The following NFATC1 variants were observed in gnomAD, a reference collection of about 807,000 sequenced individuals.
NFATC1 encodes nuclear factor of activated T cells 1, also known as nuclear factor of activated T-cells, cytoplasmic 1.
A neutral mutation model predicts 76.0 loss-of-function variants in NFATC1; 22 were observed. That is an observed-to-expected ratio of 0.29 (90% CI 0.21 to 0.41). The LOEUF (loss-of-function observed/expected upper bound fraction) is 0.41, where lower values mean the gene tolerates loss of function less well. Among genes scored for constraint, NFATC1 ranks in the 10% least tolerant of loss-of-function variants. The pLI, the probability that NFATC1 is intolerant of heterozygous loss-of-function variation, is 1.00. For synonymous variants in NFATC1, 704 were observed against 613.1 expected, an observed-to-expected ratio of 1.15 and a Z score of -2.19; for missense variants, 1,357 against 1,337.7, an observed-to-expected ratio of 1.01 and a Z score of -0.23.
chr18:79,438,191 G>C (rs1030048974), intron 3 of NFATC1, among the ~76,000 whole-genome samples: 1 of 152,160 alleles, frequency 6.6e-6, no homozygotes, highest in African/African-American at 2.4e-5. Context: ...TCTGTTTCTG[G>C]TTGTGCCTCC....
At chr18:79,415,437 C>G (rs1179843877) in intron 2 of NFATC1, among the ~76,000 whole-genome samples, 1 of 152,048 alleles carries the variant, frequency 6.6e-6, no homozygotes. Flanking sequence ...CGCCCACCAC[C>G]GCGCCCGGCT....
chr18:79,460,233 T>C (rs1380205988), intron 6 of NFATC1, among the ~76,000 whole-genome samples: 1 of 152,244 alleles, frequency 6.6e-6, no homozygotes, highest in Non-Finnish European at 1.5e-5. Flanking sequence ...TTTTGTCTGA[T>C]TTATCAGTAA....
At chr18:79,467,646 G>A (rs775921695) in intron 8 of NFATC1, 64 bp downstream of exon 8, 8 of 1,597,454 alleles carry the variant, frequency 5.0e-6, no homozygotes, top group South Asian at 1.1e-5. Flanking sequence ...TTCTAAAGAC[G>A]CAGAAACGAC....
At chr18:79,513,629 C>T (rs971793392) in intron 9 of NFATC1, among the ~76,000 whole-genome samples, 6 of 152,256 alleles carry the variant, frequency 3.9e-5, no homozygotes, top group African/African-American at 1.4e-4. Flanking sequence ...AAGTACTCTT[C>T]AAGGCGAGTG....
Position 79,431,709 on chromosome 18 carries a change from G to A in NFATC1, c.1227-1870G>A, listed in dbSNP as rs919816366. On this transcript the variant is annotated intron_variant, in intron 2 of 9. Coordinates refer to ENST00000427363, the MANE Select transcript of NFATC1 (RefSeq NM_001278669.2). Reference sequence around the variant, plus strand: ...ACTGGCCTTGTTTTTGTTGTTGTTTGTTGTTTTTTTTTAGATGGAGTCTCG... The same window carrying A: ...ACTGGCCTTGTTTTTGTTGTTGTTTATTGTTTTTTTTTAGATGGAGTCTCG... Among the ~76,000 whole-genome samples the A allele has an allele frequency of 5.9e-5, 9 of 151,684 alleles. No individual in the cohort carries two copies. The South Asian group carries it at 1.9e-3, about 32-fold the overall frequency.
At chr18:79,432,939 T>C (rs796803206) in intron 2 of NFATC1, among the ~76,000 whole-genome samples, 35 of 152,342 alleles carry the variant, frequency 2.3e-4, no homozygotes, top group African/African-American at 8.4e-4. Context: ...CGCCAGGTCA[T>C]GCAGCTCGTG....
At chr18:79,455,393 C>T (rs1600767821) in intron 6 of NFATC1, among the ~76,000 whole-genome samples, 1 of 98,948 alleles carries the variant, frequency 1.0e-5, no homozygotes, top group East Asian at 4.7e-4. Flanking sequence ...GCGTCTCCTT[C>T]TCCAGGTAAT....
chr18:79,432,034 G>A (rs1242659963), intron 2 of NFATC1, among the ~76,000 whole-genome samples: 1 of 152,226 alleles, frequency 6.6e-6, no homozygotes, highest in Non-Finnish European at 1.5e-5. Flanking sequence ...TGGGTTCACA[G>A]TGTGTCCTGA....
chr18:79,422,003 T>G (rs4799055), intron 2 of NFATC1: 66,804 of 152,152 alleles, frequency 0.44, 16,305 homozygotes, highest in South Asian at 0.64. Flanking sequence ...TTTTGAAAGA[T>G]CCCTTTAGGT....
At chr18:79,462,397 C>T (rs1004552325) in intron 7 of NFATC1, among the ~76,000 whole-genome samples, 9 of 152,146 alleles carry the variant, frequency 5.9e-5, no homozygotes, top group Non-Finnish European at 1.0e-4. Flanking sequence ...AGTGCAGTGG[C>T]GTGATCTCGG....
At chr18:79,478,443 G>A (rs2089160530) in intron 8 of NFATC1, among the ~76,000 whole-genome samples, 1 of 152,080 alleles carries the variant, frequency 6.6e-6, no homozygotes, top group Admixed American at 6.5e-5. Flanking sequence ...CCTGGGTGAG[G>A]GGCTCTGCCT....
chr18:79,443,824 G>A lies in NFATC1; in HGVS notation c.1387-4958G>A, dbSNP rs138150703. Reference sequence around the variant, plus strand: ...CAGGCTGCCCAGAGACCCCAGCCCCGAGGTGCTGGTCCGCCCACCCTCTCT... The same window carrying A: ...CAGGCTGCCCAGAGACCCCAGCCCCAAGGTGCTGGTCCGCCCACCCTCTCT... On this transcript the variant is annotated intron_variant, in intron 3 of 9. Transcript: ENST00000427363. Among the ~76,000 whole-genome samples the A allele has an allele frequency of 2.7e-3, 410 of 152,284 alleles. 4 individuals carry two copies. Among genetic ancestry groups the A allele is most frequent in the Admixed American group, 8.0e-3 (123 of 15,306 alleles).
chr18:79,521,311 C>A (rs183195340), intron 9 of NFATC1, among the ~76,000 whole-genome samples: 6 of 51,288 alleles, frequency 1.2e-4, no homozygotes, highest in Non-Finnish European at 1.7e-4. Flanking sequence ...GGGGGCGTCT[C>A]CTGATGTGTG....
At chr18:79,437,001 C>T (rs888482433) in intron 3 of NFATC1, among the ~76,000 whole-genome samples, 4 of 152,174 alleles carry the variant, frequency 2.6e-5, no homozygotes, top group Non-Finnish European at 5.9e-5. Flanking sequence ...GCTGCCACGG[C>T]GCTAAAAACA....
intron 8 of NFATC1, chr18:79,467,895 G>T: frequency 8.5e-7 from 1 of 1,174,954 alleles, no homozygotes. Flanking sequence ...AAAAACTGAG[G>T]GGGTCCTGGT....
At chr18:79,475,576 G>A (rs535911824) in intron 8 of NFATC1, among the ~76,000 whole-genome samples, 7 of 149,854 alleles carry the variant, frequency 4.7e-5, no homozygotes, top group East Asian at 4.1e-4. Flanking sequence ...CACTGTCGAC[G>A]TTGCGAGGGA....
At chr18:79,515,511 C>CCTG (rs1358238108) in intron 9 of NFATC1, among the ~76,000 whole-genome samples, 1 of 151,978 alleles carries the variant, frequency 6.6e-6, no homozygotes, top group Non-Finnish European at 1.5e-5. Context: ...ACCCCTGCAG[C>CCTG]CTGGCCGGGG....
chr18:79,424,369 C>A (rs944397696), intron 2 of NFATC1, among the ~76,000 whole-genome samples: 4 of 152,246 alleles, frequency 2.6e-5, no homozygotes, highest in Non-Finnish European at 1.5e-5. Context: ...TCCGAGGAGC[C>A]TCTGACCGCT....
intron 8 of NFATC1, among the ~76,000 whole-genome samples, chr18:79,472,621 C>T (rs551909366): frequency 4.7e-4 from 71 of 152,354 alleles, no homozygotes; most frequent in Non-Finnish European, 8.8e-4. Context: ...CCTTGAACAC[C>T]TGTGGCCTCT....
Sources: gnomAD v4.1 joint callset for allele counts (sites outside exome capture counted in the v4.1 genomes callset) on GRCh38, gnomAD v4.1.1 for gene constraint, MANE v1.5 for transcripts, NCBI Gene and HGNC (gene_info 2026-07-23, HGNC 2026-07-21) for gene names.